SENP1: variants seen among roughly 807,000 people sequenced by gnomAD.
SENP1 encodes sentrin-specific protease 1.
In SENP1, 21 loss-of-function variants were observed where a neutral mutation model predicts 93.0. The observed-to-expected ratio is 0.23, with a 90% CI of 0.16 to 0.33. The LOEUF is 0.33. Among genes scored for constraint, SENP1 ranks in the 10% least tolerant of loss-of-function variants. The pLI, the probability that SENP1 is intolerant of heterozygous loss-of-function variation, is 1.00. For synonymous variants in SENP1, 256 were observed against 259.6 expected, an observed-to-expected ratio of 0.99 and a Z score of 0.13; for missense variants, 591 against 758.7, an observed-to-expected ratio of 0.78 and a Z score of 2.60.
chr12:48,066,823 T>C, intron 10 of SENP1, 104 bp downstream of exon 10: 1 of 965,514 alleles, frequency 1.0e-6, no homozygotes, highest in Non-Finnish European at 1.6e-6. Context: ...AAACAGGTAC[T>C]TCTTATTGGC....
chr12:48,055,938 CAT>C (rs978639340), intron 13 of SENP1, among the ~76,000 whole-genome samples: 2 of 133,258 alleles, frequency 1.5e-5, no homozygotes, highest in African/African-American at 2.8e-5. Flanking sequence ...CTATATATAA[CAT>C]ATATTAATAA....
At chr12:48,105,955 C>G in intron 1 of SENP1, 73 bp downstream of exon 1, 1 of 694,102 alleles carries the variant, frequency 1.4e-6, no homozygotes, top group Non-Finnish European at 2.6e-6. Flanking sequence ...GCCGGCTGAC[C>G]GGGTCCGACA....
chr12:48,075,328 T>G (rs1333582401), intron 6 of SENP1, among the ~76,000 whole-genome samples: 1 of 152,142 alleles, frequency 6.6e-6, no homozygotes, highest in Non-Finnish European at 1.5e-5. Flanking sequence ...GAACATATAT[T>G]TAAATAATAG....
At chr12:48,101,426 C>A in intron 2 of SENP1, 43 bp downstream of exon 2, 2 of 1,524,122 alleles carry the variant, frequency 1.3e-6, no homozygotes, top group Non-Finnish European at 1.8e-6. Context: ...ACAGCTTAAC[C>A]AATGAAAGTA....
intron 4 of SENP1, among the ~76,000 whole-genome samples, chr12:48,090,595 G>A (rs1945158850): frequency 6.6e-6 from 1 of 152,244 alleles, no homozygotes; most frequent in South Asian, 2.1e-4. Flanking sequence ...TACAGATACT[G>A]TTTTTGTTTG....
intron 13 of SENP1, among the ~76,000 whole-genome samples, chr12:48,057,421 G>C (rs1942623412): frequency 6.8e-6 from 1 of 147,918 alleles, no homozygotes; most frequent in Non-Finnish European, 1.5e-5. Flanking sequence ...GTAGAGACAG[G>C]GTTTCAGCAT....
chr12:48,063,660 A>T, intron 13 of SENP1, 50 bp downstream of exon 13: 1 of 1,572,336 alleles, frequency 6.4e-7, no homozygotes, highest in Non-Finnish European at 8.7e-7. Flanking sequence ...CCTTAATTTA[A>T]CTGCCACTTA....
intron 13 of SENP1, among the ~76,000 whole-genome samples, chr12:48,054,039 G>C (rs758074243): frequency 1.3e-5 from 2 of 152,160 alleles, no homozygotes; most frequent in Non-Finnish European, 2.9e-5. Context: ...GAAAATAATA[G>C]AGAGACAGGA....
In SENP1 at chr12:48,074,481, G is replaced by T; in HGVS notation, c.783C>A (p.Asn261Lys). 1 of 1,613,920 alleles carries T rather than the reference G, an allele frequency of 6.2e-7. No individual in the cohort carries two copies. The highest frequency in any genetic ancestry group is 8.5e-7 in the Non-Finnish European group (1 of 1,179,844). Residue 261 changes from asparagine (N) to lysine (K), a missense_variant, in exon 8 of 18, where the codon AAC (asparagine) becomes AAA (lysine). Asn to Lys is a moderately conservative substitution (Grantham distance 94, BLOSUM62 0). Around this residue, in one of 4 missense-constraint regions of SENP1, gnomAD observed 238 missense variants for 259.1 expected, o/e 0.92. Transcript: ENST00000549518. Reference protein sequence around the residue: ...SSSGSASILTNQEQLSHSVYS... With the variant: ...SSSGSASILTKQEQLSHSVYS... ...ATACACTGTGGGACAGCTGTTCCTG[G>T]TTAGTTAAAATGCTGGCAGATCCAG...
chr12:48,104,826 G>A (rs1946352877), intron 1 of SENP1, among the ~76,000 whole-genome samples: 1 of 152,212 alleles, frequency 6.6e-6, no homozygotes, highest in African/African-American at 2.4e-5. Flanking sequence ...CTCATTAGAT[G>A]AGTGACATGA....
intron 8 of SENP1, among the ~76,000 whole-genome samples, chr12:48,073,995 C>T (rs966147097): frequency 1.3e-5 from 2 of 152,164 alleles, no homozygotes; most frequent in Non-Finnish European, 2.9e-5. Flanking sequence ...TATGTAAGTA[C>T]ATGTCTTACA....
intron 11 of SENP1, 60 bp downstream of exon 11, chr12:48,065,536 A>G: frequency 2.5e-6 from 3 of 1,200,762 alleles, no homozygotes; most frequent in South Asian, 1.4e-5. Flanking sequence ...TAACTTTCCA[A>G]AATAGTTTCT....
chr12:48,078,733 T>A (rs1944314273), intron 6 of SENP1, among the ~76,000 whole-genome samples: 2 of 152,224 alleles, frequency 1.3e-5, no homozygotes, highest in South Asian at 4.1e-4. Context: ...CATGTAACTT[T>A]TTTGGCTTTG....
chr12:48,088,114 A>G (rs574054552), intron 5 of SENP1, among the ~76,000 whole-genome samples: 23 of 151,416 alleles, frequency 1.5e-4, no homozygotes, highest in African/African-American at 4.9e-4. Flanking sequence ...CTATAGCAGC[A>G]TGATCTCAGC....
chr12:48,066,152 T>C (rs971444564), intron 10 of SENP1, among the ~76,000 whole-genome samples: 6 of 152,182 alleles, frequency 3.9e-5, no homozygotes, highest in Admixed American at 1.3e-4. Context: ...AAAAATGGGA[T>C]TGAACCCTAA....
At chr12:48,077,782 T>C (rs1944204938) in intron 6 of SENP1, among the ~76,000 whole-genome samples, 1 of 152,100 alleles carries the variant, frequency 6.6e-6, no homozygotes, top group African/African-American at 2.4e-5. Context: ...AGTTCTCTAT[T>C]CCGTTTCATT....
chr12:48,086,714 C>A (rs1405528449), intron 5 of SENP1, among the ~76,000 whole-genome samples: 1 of 151,976 alleles, frequency 6.6e-6, no homozygotes, highest in Non-Finnish European at 1.5e-5. Context: ...AAAAGTAGAA[C>A]ATTATACAGA....
chr12:48,096,574 G>A, intron 3 of SENP1, 147 bp from the exon 4 acceptor site: 2 of 568,342 alleles, frequency 3.5e-6, no homozygotes, highest in Non-Finnish European at 6.3e-6. Context: ...TCCTGCCTCA[G>A]CCTCCTGAGT....
In SENP1 at chr12:48,096,366, G is replaced by A. The variant is rs1339937809; in HGVS notation, c.197C>T (p.Ala66Val). 16 of 1,606,620 alleles carry A rather than the reference G, an allele frequency of 1.0e-5. No homozygotes were observed. Among genetic ancestry groups the A allele is most frequent in the Middle Eastern group, 1.7e-4 (1 of 6,044 alleles). ...ACCTGAGTAATAGCTTGGATTATAA[G>A]CTGCACTTCTTGTGGAACATGTAAA... ...RSFTCSTRSA[A>V]YNPSYYSDNP... is the part of the protein sequence containing the mutation. The change falls in exon 4 of 18, where the codon GCT becomes GTT. Residue 66 changes from alanine to valine, a missense_variant. By Grantham distance (64) the Ala-to-Val change is moderately conservative. This residue lies in a region of SENP1 where 214 missense variants were observed against 243.4 expected (regional missense o/e 0.88). Transcript: ENST00000549518.
Sources: allele counts gnomAD v4.1 joint callset (sites outside exome capture counted in the v4.1 genomes callset), GRCh38; gene constraint gnomAD v4.1.1; regional missense constraint gnomAD v4.1.1; transcripts MANE v1.5; gene names NCBI Gene and HGNC (gene_info 2026-07-23, HGNC 2026-07-21).